NCS1: variants seen among roughly 807,000 people sequenced by gnomAD.
NCS1 encodes neuronal calcium sensor 1.
A neutral mutation model predicts 28.4 loss-of-function variants in NCS1; 6 were observed. That is an observed-to-expected ratio of 0.21 (90% CI 0.12 to 0.42). The LOEUF (loss-of-function observed/expected upper bound fraction) is 0.42. NCS1 is among the 10% of genes least tolerant of loss of function. NCS1 has a pLI of 1.00. For missense variants in NCS1, 131 were observed against 241.4 expected (o/e 0.54, Z 3.03); for synonymous variants, 86 against 99.3 (o/e 0.87, Z 0.79).
intron 2 of NCS1, among the ~76,000 whole-genome samples, chr9:130,202,417 C>T (rs549347557): frequency 2.0e-5 from 3 of 149,186 alleles, no homozygotes; most frequent in African/African-American, 4.9e-5. Context: ...CTGGGACAGC[C>T]GATGACTTAC....
rs988006117 is a variant in NCS1, at chr9:130,215,325, G to A, written c.90-2507G>A. ...AGGTTTAAGGGCCAGGACGGGGGTG[G>A]CTGTGTCCCTTCCTCCTGCTGTGGG... On this transcript the variant is annotated intron_variant, in intron 2 of 7. Transcript: ENST00000372398. This position sits in a 1 kb window ranked among gnomAD's most constrained non-coding sequence, Gnocchi z 4.2. Among the ~76,000 whole-genome samples, 11 of 152,184 alleles carry A rather than the reference G, an allele frequency of 7.2e-5. No homozygotes were observed. The highest frequency in any genetic ancestry group is 1.6e-4 in the Non-Finnish European group (11 of 68,038).
rs149263409 is a variant in NCS1, at chr9:130,181,663, C to T, written c.64+8936C>T. 4.6e-5 allele frequency among the ~76,000 whole-genome samples: 7 copies of T among 152,242 alleles called. No homozygotes were observed. Among genetic ancestry groups the T allele is most frequent in the Non-Finnish European group, 1.0e-4 (7 of 68,008 alleles). On this transcript the variant is annotated intron_variant, in intron 1 of 7. Coordinates refer to ENST00000372398, the MANE Select transcript of NCS1 (RefSeq NM_014286.4). This position sits in a 1 kb window ranked among gnomAD's most constrained non-coding sequence, Gnocchi z 5.0. ...GAAGCCCTGGGCCGCGGTGAGGGGC[C>T]CCTGCTTGGTGGAGGTGCCAGGGAG...
At chr9:130,195,103 G>A (rs931690530) in intron 1 of NCS1, among the ~76,000 whole-genome samples, 1 of 152,292 alleles carries the variant, frequency 6.6e-6, no homozygotes, top group East Asian at 1.9e-4. Flanking sequence ...ACACTGGGCC[G>A]AGCACCAGTC....
In NCS1 at chr9:130,233,372, A is replaced by G. The variant is rs1833523937; in HGVS notation, c.*400A>G. The G allele has an allele frequency of 6.6e-6, 1 of 152,442 alleles. No homozygotes were observed. The highest frequency in any genetic ancestry group is 1.9e-4 in the East Asian group (1 of 5,174). 9.4% of individuals were successfully genotyped at this position (152,442 alleles called of 1,614,324 possible). On this transcript the variant is annotated 3_prime_UTR_variant, in exon 8 of 8. Transcript: ENST00000372398. The surrounding 1 kb of genome is among the most constrained non-coding windows in gnomAD (Gnocchi z 4.8). ...CTACCTTCTGTCCTAGAAGACACAG[A>G]CTGACAGATGGGGTGAAGGCCTGGG... is the stretch of plus-strand genomic sequence containing the variant.
rs1412342253 is a variant in NCS1 at position 130,172,520 on chromosome 9, C to T, written c.-144C>T. On this transcript the variant is annotated 5_prime_UTR_variant, in exon 1 of 8. Transcript: ENST00000372398. ...CCCAGCGGCCGCCCCACGCCCCGGG[C>T]GCCCCGGCGCCGACAGCCGCGCAGC... 40 of 204,896 alleles carry T rather than the reference C, an allele frequency of 2.0e-4. No individual in the cohort carries two copies. Among genetic ancestry groups the T allele is most frequent in the African/African-American group, 9.4e-4 (39 of 41,580 alleles). The allele number at this position is 204,896 out of a possible 1,614,324, so 12.7% of individuals were successfully genotyped here.
intron 1 of NCS1, among the ~76,000 whole-genome samples, chr9:130,183,767 T>TTTCC (rs2131119872): frequency 1.3e-5 from 2 of 151,146 alleles, no homozygotes; most frequent in South Asian, 4.2e-4. Flanking sequence ...CTCTTTCTCT[T>TTTCC]TTCCTTCCTT....
rs1203340029 is a variant in NCS1 at position 130,215,250 on chromosome 9, T to G, written c.90-2582T>G. ...CCCATCCTGGCCTGGGAGTCTGGAG[T>G]CATGGGCCAGGCTGAAACAGAAGAA... On this transcript the variant is annotated intron_variant, in intron 2 of 7. Coordinates refer to ENST00000372398, the MANE Select transcript of NCS1 (RefSeq NM_014286.4). This position sits in a 1 kb window ranked among gnomAD's most constrained non-coding sequence, Gnocchi z 4.2. 6.6e-6 allele frequency among the ~76,000 whole-genome samples: 1 copy of G among 151,748 alleles called. No homozygotes were observed. Among genetic ancestry groups the G allele is most frequent in the Admixed American group, 6.6e-5 (1 of 15,252 alleles).
intron 1 of NCS1, among the ~76,000 whole-genome samples, chr9:130,185,556 T>C (rs1832727105): frequency 6.6e-6 from 1 of 152,126 alleles, no homozygotes; most frequent in African/African-American, 2.4e-5. Flanking sequence ...GCTGGGGAGT[T>C]GAGGAGGGGT....
chr9:130,235,319 C>T lies in NCS1; in HGVS notation c.*2347C>T, dbSNP rs1039514551. ...CCTGGGGTCTGGGGCAGGGAACGAA[C>T]ATGGTGGCTTTGGGCTGAGAGGATG... On this transcript the variant is annotated 3_prime_UTR_variant, in exon 8 of 8. Transcript: ENST00000372398. 2.0e-5 allele frequency: 3 copies of T among 152,464 alleles called. No individual in the cohort carries two copies. Among genetic ancestry groups the T allele is most frequent in the African/African-American group, 4.8e-5 (2 of 41,466 alleles). The allele number at this position is 152,464 out of a possible 1,614,324, so 9.4% of individuals were successfully genotyped here.
intron 1 of NCS1, among the ~76,000 whole-genome samples, chr9:130,185,814 G>C (rs1025220335): frequency 6.6e-5 from 10 of 152,240 alleles, no homozygotes; most frequent in African/African-American, 2.4e-4. Context: ...CACCCCCTGC[G>C]CGCCCAGCAG....
Position 130,180,422 on chromosome 9 carries a change from A to G in NCS1, c.64+7695A>G, listed in dbSNP as rs139291170. Among the ~76,000 whole-genome samples, 50 of 152,316 alleles carry G rather than the reference A, an allele frequency of 3.3e-4. No individual in the cohort carries two copies. In the East Asian group the frequency reaches 9.7e-3, roughly 29 times the overall value. On this transcript the variant is annotated intron_variant, in intron 1 of 7. Coordinates refer to ENST00000372398, the MANE Select transcript of NCS1 (RefSeq NM_014286.4). The surrounding 1 kb of genome is among the most constrained non-coding windows in gnomAD (Gnocchi z 4.5). ...TAGCACTCTGGTAAGAAAAAAAGCC[A>G]ATATAAATTAAAAAGCACATCATCA...
At chr9:130,203,136 A>ATATATATATAT (rs1471670630) in intron 2 of NCS1, among the ~76,000 whole-genome samples, 1 of 108,456 alleles carries the variant, frequency 9.2e-6, no homozygotes, top group African/African-American at 3.5e-5. Context: ...ATATATATAT[A>ATATATATATAT]TTTTTTTTTT....
At chr9:130,225,892 C>T (rs572486836) in intron 6 of NCS1, among the ~76,000 whole-genome samples, 4 of 152,230 alleles carry the variant, frequency 2.6e-5, no homozygotes, top group Non-Finnish European at 2.9e-5. Flanking sequence ...ATCCCCTCCC[C>T]GAGAGACCCA....
chr9:130,220,373 T>A (rs1404146005), intron 4 of NCS1, among the ~76,000 whole-genome samples: 2 of 151,946 alleles, frequency 1.3e-5, no homozygotes, highest in Non-Finnish European at 2.9e-5. Flanking sequence ...GCGATCAGTC[T>A]AGAGTGGCAG....
intron 1 of NCS1, among the ~76,000 whole-genome samples, chr9:130,183,378 G>T (rs1342226577): frequency 6.6e-6 from 1 of 152,228 alleles, no homozygotes; most frequent in Non-Finnish European, 1.5e-5. Context: ...GCCACCGAGG[G>T]GGCCCCAGGA....
In NCS1 at chr9:130,181,388, A is replaced by C. The variant is rs1014088736; in HGVS notation, c.64+8661A>C. Among the ~76,000 whole-genome samples the C allele has an allele frequency of 1.4e-4, 22 of 152,174 alleles. No individual in the cohort carries two copies. Among genetic ancestry groups the C allele is most frequent in the Non-Finnish European group, 3.2e-4 (22 of 68,028 alleles). The stretch of plus-strand genomic sequence containing the variant: ...TGGTGGAGGATCTGCGAGCTGCAGC[A>C]CGGGACGGTCAGGGGCTGTCACTGC... On this transcript the variant is annotated intron_variant, in intron 1 of 7. Transcript: ENST00000372398. The surrounding 1 kb of genome is among the most constrained non-coding windows in gnomAD (Gnocchi z 5.0).
At position 130,176,190 on chromosome 9, in the gene NCS1, C is replaced by CTTTCTTTCTTTCTT. The variant is rs1554904629; in HGVS notation, c.64+3470_64+3471insCTTTCTTTTTCTTT. On this transcript the variant is annotated intron_variant, in intron 1 of 7. Coordinates refer to ENST00000372398, the MANE Select transcript of NCS1 (RefSeq NM_014286.4). Reference sequence around the variant, plus strand: ...TCTTTCTTTCTTTCTTTCTTTCTTTCTTTCTTTTTTTTTTTTTTTGGAGAC... The same window carrying CTTTCTTTCTTTCTT: ...TCTTTCTTTCTTTCTTTCTTTCTTTCTTTCTTTCTTTCTTTTTCTTTTTTTTTTTTTTTGGAGAC... Among the ~76,000 whole-genome samples, 6 of 56,620 alleles carry CTTTCTTTCTTTCTT rather than the reference C, an allele frequency of 1.1e-4. 1 individual carries two copies. Among genetic ancestry groups the CTTTCTTTCTTTCTT allele is most frequent in the East Asian group, 3.0e-3 (2 of 668 alleles). The allele number at this position is 56,620 out of a possible 152,430, so 37.1% of individuals were successfully genotyped here. A position where few individuals can be genotyped will look rare whatever the true frequency, so the allele number is the denominator to read the frequency against.
intron 7 of NCS1, among the ~76,000 whole-genome samples, chr9:130,231,037 T>C (rs1833494779): frequency 6.6e-6 from 1 of 152,118 alleles, no homozygotes; most frequent in South Asian, 2.1e-4. Context: ...CTACCCATTG[T>C]AATAGGTTGA....
In NCS1 at chr9:130,216,870, T is replaced by C. The variant is rs184692295; in HGVS notation, c.90-962T>C. 6.4e-3 allele frequency among the ~76,000 whole-genome samples: 918 copies of C among 142,756 alleles called. 7 individuals are homozygous for C. Among genetic ancestry groups the C allele is most frequent in the African/African-American group, 0.023 (883 of 38,630 alleles). 93.7% of individuals were successfully genotyped at this position (142,756 alleles called of 152,430 possible). A position where few individuals can be genotyped will look rare whatever the true frequency, so the allele number is the denominator to read the frequency against. Reference sequence around the variant, plus strand: ...ATGACCTCTCTCTCTGGCTTCCCGATGTGGAAGGAATCGTCCTCTGAGGAG... The same window carrying C: ...ATGACCTCTCTCTCTGGCTTCCCGACGTGGAAGGAATCGTCCTCTGAGGAG... On this transcript the variant is annotated intron_variant, in intron 2 of 7. Transcript: ENST00000372398.
Sources: gnomAD v4.1 joint callset for allele counts (sites outside exome capture counted in the v4.1 genomes callset) on GRCh38, gnomAD v4.1.1 for gene constraint, Gnocchi (gnomAD v3.1) non-coding constraint, MANE v1.5 for transcripts, NCBI Gene and HGNC (gene_info 2026-07-23, HGNC 2026-07-21) for gene names.